ANKEF1: variants seen among roughly 807,000 people sequenced by gnomAD.
The protein encoded by ANKEF1 is ankyrin repeat and EF-hand domain containing 1, also known as ankyrin repeat and EF-hand domain-containing protein 1.
In ANKEF1, 43 loss-of-function variants were observed where a neutral mutation model predicts 65.1. The observed-to-expected ratio is 0.66, with a 90% confidence interval of 0.52 to 0.85. The LOEUF (loss-of-function observed/expected upper bound fraction) is 0.85. Ranked by LOEUF, ANKEF1 falls within the 40% of genes least tolerant of loss-of-function variation. ANKEF1 has a pLI of 0.00. For missense variants in ANKEF1, 934 were observed against 952.9 expected (o/e 0.98, Z 0.26); for synonymous variants, 316 against 341.5 (o/e 0.93, Z 0.82).
intron 9 of ANKEF1, among the ~76,000 whole-genome samples, chr20:10,053,766 A>T (rs1398587365): frequency 6.6e-6 from 1 of 152,138 alleles, no homozygotes; most frequent in Non-Finnish European, 1.5e-5. Context: ...ATACCACTGA[A>T]TTCTGGGATA....
In ANKEF1 at chr20:10,055,689, G is replaced by T; in HGVS notation, c.*29G>T. ...ATAGCAGTTATTTCTTGGGGTAAAT[G>T]CTTTGAGGCCCAGGGACCAATCTTT... On this transcript the variant is annotated 3_prime_UTR_variant, in exon 11 of 11. Coordinates refer to ENST00000378392, the MANE Select transcript of ANKEF1 (RefSeq NM_022096.6). 1 of 1,612,172 alleles carries T rather than the reference G, an allele frequency of 6.2e-7. No individual in the cohort carries two copies. Among genetic ancestry groups the T allele is most frequent in the Non-Finnish European group, 8.5e-7 (1 of 1,178,548 alleles).
intron 6 of ANKEF1, among the ~76,000 whole-genome samples, chr20:10,046,525 T>A (rs1205663415): frequency 6.6e-6 from 1 of 152,148 alleles, no homozygotes; most frequent in Non-Finnish European, 1.5e-5. Flanking sequence ...AGCTTTTAAG[T>A]ATTAATTTAG....
In ANKEF1 at chr20:10,051,871, C is replaced by T; in HGVS notation, c.1852C>T (p.Gln618Ter). The T allele has an allele frequency of 4.3e-6, 7 of 1,610,614 alleles. No individual in the cohort carries two copies. Among genetic ancestry groups the T allele is most frequent in the Non-Finnish European group, 5.1e-6 (6 of 1,178,724 alleles). Residue 618 changes from glutamine (Q) to a stop codon, truncating the protein, a stop_gained, in exon 8 of 11, where the codon CAG becomes TAG. Coordinates refer to ENST00000378392, the MANE Select transcript of ANKEF1 (RefSeq NM_022096.6). LOFTEE classifies it high-confidence loss of function. ...KYLLDIGAKF[Q>*]LENRKGHSAM... ...CCTACTTGATATTGGTGCTAAATTC[C>T]AGCTGGAAAATAGAAAAGGTATGCG... is the stretch of plus-strand genomic sequence containing the variant.
At position 10,049,483 on chromosome 20, in the gene ANKEF1, G is replaced by A. The variant is rs1217311806; in HGVS notation, c.914G>A (p.Arg305Gln). The change falls in exon 7 of 11, where the codon CGA (arginine) becomes CAA (glutamine). Residue 305 changes from arginine (R) to glutamine (Q), a missense_variant. By Grantham distance (43) the Arg-to-Gln change is conservative. Transcript: ENST00000378392. The part of the protein sequence containing the change: ...GFKAASKEIR[R>Q]AERIANKLAR... ...AAAGCAGCAAGCAAAGAAATACGCC[G>A]AGCAGAGAGAATCGCTAATAAACTA... The A allele has an allele frequency of 2.3e-5, 37 of 1,614,006 alleles. No homozygotes were observed. Among genetic ancestry groups the A allele is most frequent in the East Asian group, 4.5e-5 (2 of 44,886 alleles).
Position 10,037,325 on chromosome 20 carries a change from C to G in ANKEF1, c.-44-933C>G, listed in dbSNP as rs375089781. ...AAGCATGGACTCTCTCTGTGGCACC[C>G]AAGAGAGCTACCTGCGCCCCAGCCC... On this transcript the variant is annotated intron_variant, in intron 2 of 10. Coordinates refer to ENST00000378392, the MANE Select transcript of ANKEF1 (RefSeq NM_022096.6). Among the ~76,000 whole-genome samples the G allele has an allele frequency of 1.3e-5, 2 of 152,124 alleles. 1 individual carries two copies. The highest frequency in any genetic ancestry group is 4.1e-4 in the South Asian group (2 of 4,822).
rs1222296891 is a variant in ANKEF1 at position 10,043,132 on chromosome 20, T to G, written c.357T>G (p.Phe119Leu). The G allele has an allele frequency of 1.2e-5, 19 of 1,614,008 alleles. No homozygotes were observed. Among genetic ancestry groups the G allele is most frequent in the Non-Finnish European group, 1.5e-5 (18 of 1,179,988 alleles). ...IVDNEGKGVL[F>L]YCILPTKRHY... Reference sequence around the variant, plus strand: ...TTTATTTCTCTGCAGGTGTTTTGTTTTACTGCATTTTACCGACTAAGCGGC... The same window carrying G: ...TTTATTTCTCTGCAGGTGTTTTGTTGTACTGCATTTTACCGACTAAGCGGC... The change falls in exon 4 of 11, where the codon TTT (phenylalanine) becomes TTG (leucine). Residue 119 changes from phenylalanine (F) to leucine (L), a missense_variant. Phe to Leu is a conservative substitution (Grantham distance 22). Transcript: ENST00000378392.
chr20:10,038,658 C>T lies in ANKEF1; in HGVS notation c.346+11C>T, dbSNP rs760280062. 16 of 1,564,236 alleles carry T rather than the reference C, an allele frequency of 1.0e-5. No homozygotes were observed. The highest frequency in any genetic ancestry group is 8.7e-5 in the Admixed American group (5 of 57,210). ...ATAATGAAGGAAAAGGTAAAAATCC[C>T]GACATCCTCTCCAGCAGATTGCAAT... On this transcript the variant is annotated intron_variant, in intron 3 of 10. Coordinates refer to ENST00000378392, the MANE Select transcript of ANKEF1 (RefSeq NM_022096.6).
At chr20:10,043,652 C>CTTTTTTT (rs374135080) in intron 4 of ANKEF1, among the ~76,000 whole-genome samples, 8 of 81,370 alleles carry the variant, frequency 9.8e-5, no homozygotes, top group East Asian at 6.1e-4. Flanking sequence ...TTTTCTTTTC[C>CTTTTTTT]TTTTTTTTTT....
intron 7 of ANKEF1, among the ~76,000 whole-genome samples, chr20:10,050,633 A>G (rs2122265641): frequency 6.6e-6 from 1 of 152,334 alleles, no homozygotes; most frequent in Non-Finnish European, 1.5e-5. Flanking sequence ...TGTGTGCACA[A>G]ATATATTTTG....
At chr20:10,049,284 ATTT>A in intron 6 of ANKEF1, 103 bp from the exon 7 acceptor site, 1 of 1,122,742 alleles carries the variant, frequency 8.9e-7, no homozygotes, top group Admixed American at 2.3e-5. Context: ...TTGGGGACAC[ATTT>A]TTTACTAATC....
At position 10,039,585 on chromosome 20, in the gene ANKEF1, G is replaced by C. The variant is rs1489524255; in HGVS notation, c.346+938G>C. Among the ~76,000 whole-genome samples the C allele has an allele frequency of 4.6e-5, 7 of 152,294 alleles. No individual in the cohort carries two copies. In the East Asian group the frequency reaches 1.2e-3, roughly 25 times the overall value. The stretch of plus-strand genomic sequence containing the variant: ...TTACATATTTAATTGTACCACGTAA[G>C]AAAATAAACTTCAGATGCATTCAGG... On this transcript the variant is annotated intron_variant, in intron 3 of 10. Coordinates refer to ENST00000378392, the MANE Select transcript of ANKEF1 (RefSeq NM_022096.6).
At chr20:10,045,496 G>T in intron 5 of ANKEF1, 78 bp from the exon 6 acceptor site, 1 of 1,456,728 alleles carries the variant, frequency 6.9e-7, no homozygotes. Flanking sequence ...GTACTGGATA[G>T]TGCCGGTCTA....
intron 2 of ANKEF1, among the ~76,000 whole-genome samples, chr20:10,036,258 G>A (rs183142031): frequency 3.0e-4 from 46 of 152,294 alleles, no homozygotes; most frequent in Middle Eastern, 3.4e-3. Context: ...TGCTAACAGA[G>A]GCAACATTGA....
chr20:10,035,382 C>G (rs1983779304), intron 1 of ANKEF1, 49 bp downstream of exon 1: 1 of 152,292 alleles, frequency 6.6e-6, no homozygotes, highest in African/African-American at 2.4e-5. Flanking sequence ...TCTACCCCCT[C>G]CACTCCTCTC....
At position 10,038,269 on chromosome 20, in the gene ANKEF1, G is replaced by A. The variant is rs920510962; in HGVS notation, c.-33G>A. On this transcript the variant is annotated 5_prime_UTR_variant, in exon 3 of 11. Coordinates refer to ENST00000378392, the MANE Select transcript of ANKEF1 (RefSeq NM_022096.6). ...TTTTGTTGCTTCAGCTTTAGTTTTG[G>A]TCCAGAAAGCATTTTCAAGGAGCTG... is the stretch of plus-strand genomic sequence containing the variant. 1.7e-5 allele frequency: 24 copies of A among 1,371,780 alleles called. No individual in the cohort carries two copies. The highest frequency in any genetic ancestry group is 2.2e-5 in the Non-Finnish European group (23 of 1,041,352). 85.0% of individuals were successfully genotyped at this position (1,371,780 alleles called of 1,614,324 possible).
At position 10,053,371 on chromosome 20, in the gene ANKEF1, A is replaced by G. The variant is rs1395237710; in HGVS notation, c.2034+96A>G. ...CACTATTTACATATTGTTATACAAC[A>G]TGGGTAAGATAATATGCAGTGCATA... is the stretch of plus-strand genomic sequence containing the variant. On this transcript the variant is annotated intron_variant, in intron 9 of 10. Transcript: ENST00000378392. 6 of 1,098,298 alleles carry G rather than the reference A, an allele frequency of 5.5e-6. No individual in the cohort carries two copies. In the East Asian group the frequency reaches 9.5e-5, roughly 17 times the overall value. The allele number at this position is 1,098,298 out of a possible 1,614,324, so 68.0% of individuals were successfully genotyped here.
At chr20:10,047,085 G>T (rs1351438310) in intron 6 of ANKEF1, among the ~76,000 whole-genome samples, 1 of 152,120 alleles carries the variant, frequency 6.6e-6, no homozygotes, top group East Asian at 1.9e-4. Context: ...AAGTTGAGAC[G>T]AATTTCTTTA....
intron 6 of ANKEF1, among the ~76,000 whole-genome samples, chr20:10,047,998 A>G (rs1015099896): frequency 2.0e-5 from 3 of 152,198 alleles, no homozygotes; most frequent in African/African-American, 4.8e-5. Flanking sequence ...GGTGGGATCA[A>G]AACCCCCCAG....
rs528512705 is a variant in ANKEF1, at chr20:10,055,753, A to G, written c.*93A>G. On this transcript the variant is annotated 3_prime_UTR_variant, in exon 11 of 11. Coordinates refer to ENST00000378392, the MANE Select transcript of ANKEF1 (RefSeq NM_022096.6). The stretch of plus-strand genomic sequence containing the variant: ...ATTTCCATCAAAGCCAAAGCAATCC[A>G]TACACCAAGAACTTGTTACCAAGAA... 5.9e-4 allele frequency: 766 copies of G among 1,305,034 alleles called. 7 individuals carry two copies. In the South Asian group the frequency reaches 9.4e-3, roughly 16 times the overall value. 80.8% of individuals were successfully genotyped at this position (1,305,034 alleles called of 1,614,324 possible).
Sources: gnomAD v4.1 joint callset for allele counts (sites outside exome capture counted in the v4.1 genomes callset) on GRCh38, gnomAD v4.1.1 for gene constraint, MANE v1.5 for transcripts, NCBI Gene and HGNC (gene_info 2026-07-23, HGNC 2026-07-21) for gene names.